The following STYX variants were observed in gnomAD, a reference collection of about 807,000 sequenced individuals.
The protein encoded by STYX is serine/threonine/tyrosine-interacting protein.
STYX carries 20 observed loss-of-function variants against 42.7 expected under a neutral mutation model. The ratio of observed to expected loss-of-function variants is 0.47; its 90% CI spans 0.33 to 0.68. STYX has a LOEUF of 0.68. Among genes scored for constraint, STYX ranks in the 30% least tolerant of loss-of-function variants. The pLI is 0.02. For missense variants in STYX, 226 were observed against 268.5 expected (o/e 0.84, Z 1.11); for synonymous variants, 78 against 81.9 (o/e 0.95, Z 0.26).
chr14:52,771,439 A>G lies in STYX; in HGVS notation c.*333A>G, dbSNP rs1882507365. On this transcript the variant is annotated 3_prime_UTR_variant, in exon 11 of 11. Transcript: ENST00000354586. ...CATACTTGAAATTTATTTGTATGAT[A>G]TAAAGTTATTACTTTAAACAAAATG... The G allele has an allele frequency of 5.4e-6, 1 of 184,910 alleles. No individual in the cohort carries two copies. The highest frequency in any genetic ancestry group is 6.0e-5 in the Admixed American group (1 of 16,556). The allele number at this position is 184,910 out of a possible 1,614,324, so 11.5% of individuals were successfully genotyped here. A position where few individuals can be genotyped will look rare whatever the true frequency, so the allele number is the denominator to read the frequency against.
intron 10 of STYX, among the ~76,000 whole-genome samples, chr14:52,770,315 T>C (rs1882463181): frequency 6.6e-6 from 1 of 152,150 alleles, no homozygotes; most frequent in South Asian, 2.1e-4. Flanking sequence ...TACCATGATA[T>C]AACAGTCCTG....
intron 10 of STYX, among the ~76,000 whole-genome samples, chr14:52,769,545 C>G (rs1225722207): frequency 6.6e-6 from 1 of 152,114 alleles, no homozygotes; most frequent in Admixed American, 6.6e-5. Flanking sequence ...GACAGGTGAT[C>G]TGATCCACAA....
intron 4 of STYX, among the ~76,000 whole-genome samples, chr14:52,752,862 T>C (rs1281375881): frequency 6.7e-6 from 1 of 148,152 alleles, no homozygotes; most frequent in African/African-American, 2.5e-5. Flanking sequence ...TTTTTAATTT[T>C]GTTTTTTTTT....
intron 1 of STYX, among the ~76,000 whole-genome samples, chr14:52,738,632 A>G (rs1419903074): frequency 6.6e-6 from 1 of 152,232 alleles, no homozygotes; most frequent in Non-Finnish European, 1.5e-5. Flanking sequence ...ATGCCACTCC[A>G]AAATATGACA....
intron 10 of STYX, among the ~76,000 whole-genome samples, chr14:52,769,539 G>A (rs1245247587): frequency 2.6e-5 from 4 of 152,204 alleles, no homozygotes; most frequent in South Asian, 2.1e-4. Context: ...ATTGAGGACA[G>A]GTGATCTGAT....
chr14:52,740,115 A>G (rs545397572), intron 1 of STYX, among the ~76,000 whole-genome samples: 9 of 152,202 alleles, frequency 5.9e-5, no homozygotes, highest in Admixed American at 3.9e-4. Context: ...CATCTCTACT[A>G]AAAATACAAA....
In STYX at chr14:52,762,878, CTTTCTTTTTTTTTTTTT is replaced by C. The variant is rs1310514065; in HGVS notation, c.504+3128_504+3144del. On this transcript the variant is annotated intron_variant, in intron 9 of 10. Coordinates refer to ENST00000354586, the MANE Select transcript of STYX (RefSeq NM_145251.4). The stretch of plus-strand genomic sequence containing the variant: ...TTTTCTTTTCTTTCTTTCTTTCTTT[CTTTCTTTTTTTTTTTTT>C]TTTTTTTTTTTTTGAGGCAGAGTCT... Among the ~76,000 whole-genome samples the C allele has an allele frequency of 1.6e-4, 12 of 77,410 alleles. 1 individual carries two copies. The highest frequency in any genetic ancestry group is 8.9e-4 in the South Asian group (2 of 2,252). 50.8% of individuals were successfully genotyped at this position (77,410 alleles called of 152,430 possible).
intron 1 of STYX, among the ~76,000 whole-genome samples, chr14:52,737,686 G>T (rs1472560527): frequency 1.3e-5 from 2 of 152,210 alleles, no homozygotes; most frequent in Non-Finnish European, 2.9e-5. Context: ...TGTGATAGTG[G>T]CAAGACTTGG....
Position 52,773,341 on chromosome 14 carries a change from A to ATAG in STYX, c.*2236_*2237insAGT, listed in dbSNP as rs373046986. 7.1e-6 allele frequency: 1 copy of ATAG among 140,056 alleles called. No homozygotes were observed. The highest frequency in any genetic ancestry group is 1.5e-5 in the Non-Finnish European group (1 of 65,416). 8.7% of individuals were successfully genotyped at this position (140,056 alleles called of 1,614,324 possible). On this transcript the variant is annotated 3_prime_UTR_variant, in exon 11 of 11. Transcript: ENST00000354586. ...TATATATATATATATAGATAGATAG[A>ATAG]TTTTTTTTTTTTTTTGAGACAGAGT...
At chr14:52,744,387 G>A (rs151005645) in intron 1 of STYX, among the ~76,000 whole-genome samples, 2 of 152,280 alleles carry the variant, frequency 1.3e-5, no homozygotes, top group South Asian at 2.1e-4. Flanking sequence ...TGGCAAGTAC[G>A]TATGACATAG....
chr14:52,752,072 A>G (rs1881633868), intron 4 of STYX, among the ~76,000 whole-genome samples: 1 of 151,954 alleles, frequency 6.6e-6, no homozygotes, highest in Non-Finnish European at 1.5e-5. Flanking sequence ...AGGCAGGAGA[A>G]TTGCTTGAAC....
intron 6 of STYX, 28 bp from the exon 7 acceptor site, chr14:52,757,715 A>G (rs569942789): frequency 1.9e-5 from 30 of 1,611,552 alleles, no homozygotes; most frequent in Middle Eastern, 1.7e-4. Context: ...GTGTTTTTCT[A>G]TTAGAATAAT....
intron 4 of STYX, among the ~76,000 whole-genome samples, chr14:52,752,774 G>T (rs1313382312): frequency 6.6e-6 from 1 of 151,714 alleles, no homozygotes; most frequent in Non-Finnish European, 1.5e-5. Flanking sequence ...GGACCAAGAG[G>T]CTAGAAACTT....
At chr14:52,738,168 C>G (rs1881036592) in intron 1 of STYX, among the ~76,000 whole-genome samples, 1 of 152,184 alleles carries the variant, frequency 6.6e-6, no homozygotes, top group Admixed American at 6.5e-5. Context: ...ATGATAACAC[C>G]AGGAATAGTT....
chr14:52,730,720 C>G (rs1204745880), intron 1 of STYX, among the ~76,000 whole-genome samples, 189 bp downstream of exon 1: 1 of 152,196 alleles, frequency 6.6e-6, no homozygotes, highest in Non-Finnish European at 1.5e-5. Context: ...CCAGACCCCG[C>G]GGAGGGGCAG....
chr14:52,745,005 A>G, intron 2 of STYX, 121 bp downstream of exon 2: 1 of 740,546 alleles, frequency 1.4e-6, no homozygotes, highest in South Asian at 2.8e-5. Flanking sequence ...TGTATTTTAA[A>G]TAATTATTTT....
At chr14:52,747,016 C>T (rs1183358700) in intron 3 of STYX, among the ~76,000 whole-genome samples, 5 of 152,090 alleles carry the variant, frequency 3.3e-5, no homozygotes, top group African/African-American at 1.2e-4. Flanking sequence ...TGGAGTATTT[C>T]GGATTTCGGA....
At chr14:52,758,070 T>C in intron 8 of STYX, 146 bp downstream of exon 8, 1 of 876,076 alleles carries the variant, frequency 1.1e-6, no homozygotes, top group Non-Finnish European at 1.7e-6. Context: ...TATTCCATGA[T>C]TAGTCTTAAC....
chr14:52,756,427 A>G, intron 4 of STYX, 124 bp from the exon 5 acceptor site: 2 of 601,224 alleles, frequency 3.3e-6, no homozygotes, highest in Non-Finnish European at 5.9e-6. Context: ...GTTCTTGGGA[A>G]TATGATACTT....
Sources: allele counts gnomAD v4.1 joint callset (sites outside exome capture counted in the v4.1 genomes callset), GRCh38; gene constraint gnomAD v4.1.1; transcripts MANE v1.5; gene names NCBI Gene and HGNC (gene_info 2026-07-23, HGNC 2026-07-21).